The following KIAA0825 variants were observed in gnomAD, a reference collection of about 807,000 sequenced individuals.
KIAA0825 encodes KIAA0825, also known as uncharacterized protein KIAA0825.
A neutral mutation model predicts 147.6 loss-of-function variants in KIAA0825; 119 were observed. The observed-to-expected ratio is 0.81, with a 90% CI of 0.69 to 0.94. KIAA0825 has a LOEUF of 0.94. KIAA0825 is among the 40% of genes least tolerant of loss of function. The probability of loss-of-function intolerance (pLI) is 0.00; values close to 1 mark genes in which losing one functional copy is unlikely to be tolerated. For synonymous variants in KIAA0825, 470 were observed against 518.1 expected (o/e 0.91, Z 1.26); for missense variants, 1,381 against 1,472.7 (o/e 0.94, Z 1.02).
At chr5:94,505,367 A>C (rs1765621597) in intron 5 of KIAA0825, among the ~76,000 whole-genome samples, 1 of 151,956 alleles carries the variant, frequency 6.6e-6, no homozygotes, top group South Asian at 2.1e-4. Flanking sequence ...TCTTTAAAAA[A>C]AAAAAAAAAA....
chr5:94,380,122 G>C (rs1318539986), intron 20 of KIAA0825, among the ~76,000 whole-genome samples: 1 of 151,924 alleles, frequency 6.6e-6, no homozygotes, highest in African/African-American at 2.4e-5. Flanking sequence ...CAAAGTGCTG[G>C]GGTTACAGGC....
At chr5:94,507,963 C>T (rs1447999330) in intron 5 of KIAA0825, among the ~76,000 whole-genome samples, 1 of 152,156 alleles carries the variant, frequency 6.6e-6, no homozygotes, top group Non-Finnish European at 1.5e-5. Context: ...ATGCCAATAA[C>T]TATTGTAATA....
At chr5:94,581,621 C>T (rs966202263) in intron 2 of KIAA0825, among the ~76,000 whole-genome samples, 1 of 152,148 alleles carries the variant, frequency 6.6e-6, no homozygotes, top group African/African-American at 2.4e-5. Context: ...TTTGAAACTC[C>T]TGAATTTTGT....
In KIAA0825 at chr5:94,384,370, G is replaced by A; in HGVS notation, c.3708C>T (p.Asn1236=). The change falls in exon 20 of 21, where the codon AAC becomes AAT. Residue 1236 remains asparagine (N), a splice_region_variant and synonymous_variant. Coordinates refer to ENST00000682413, the MANE Select transcript of KIAA0825 (RefSeq NM_001145678.3). ...CCCAAGGTCCCCAATTTTATTACCT[G>A]TTTTTGAGCAGCACACTGAAGGTCA... is the stretch of plus-strand genomic sequence containing the variant. ...DKMTFSVLLK[N]RWEMKKDETL... is the part of the protein sequence containing the mutation. The A allele has an allele frequency of 3.9e-6, 6 of 1,551,660 alleles. No individual in the cohort carries two copies. Among genetic ancestry groups the A allele is most frequent in the Non-Finnish European group, 5.2e-6 (6 of 1,146,830 alleles).
intron 6 of KIAA0825, 138 bp downstream of exon 6, chr5:94,484,631 T>G (rs905840843): frequency 1.0e-5 from 5 of 477,632 alleles, no homozygotes; most frequent in Non-Finnish European, 1.8e-5. Context: ...TAATGCATGG[T>G]GTGCATTATA....
chr5:94,317,030 C>G (rs879638453), intron 20 of KIAA0825, among the ~76,000 whole-genome samples: 1 of 151,728 alleles, frequency 6.6e-6, no homozygotes, highest in Non-Finnish European at 1.5e-5. Flanking sequence ...GTCTTTGTTT[C>G]TTTTTCCTAT....
chr5:94,307,445 C>G (rs1024103736), intron 20 of KIAA0825, among the ~76,000 whole-genome samples: 1 of 151,660 alleles, frequency 6.6e-6, no homozygotes, highest in Non-Finnish European at 1.5e-5. Flanking sequence ...TGCTCAAAGC[C>G]CAAGACATCA....
intron 20 of KIAA0825, among the ~76,000 whole-genome samples, chr5:94,330,264 A>T (rs1024641861): frequency 2.6e-5 from 4 of 152,234 alleles, no homozygotes; most frequent in Non-Finnish European, 5.9e-5. Context: ...CAGGTCTCCC[A>T]GTGATAGCAG....
chr5:94,572,393 A>G (rs1045861411), intron 2 of KIAA0825, among the ~76,000 whole-genome samples: 1 of 152,232 alleles, frequency 6.6e-6, no homozygotes, highest in African/African-American at 2.4e-5. Flanking sequence ...GGATCTAAAA[A>G]AGAAAAATGG....
chr5:94,187,326 G>T, intron 20 of KIAA0825, among the ~76,000 whole-genome samples: 1 of 149,382 alleles, frequency 6.7e-6, no homozygotes, highest in African/African-American at 2.5e-5. Flanking sequence ...GTGAAATTAG[G>T]GATGGTGGAA....
intron 20 of KIAA0825, among the ~76,000 whole-genome samples, chr5:94,254,623 A>G (rs1006219581): frequency 2.6e-5 from 4 of 152,170 alleles, no homozygotes; most frequent in Non-Finnish European, 5.9e-5. Context: ...AAAACATTTA[A>G]TGGGCTTTAA....
chr5:94,564,988 CTTCTCCTCT>C (rs1561322797), intron 2 of KIAA0825, among the ~76,000 whole-genome samples: 2 of 137,134 alleles, frequency 1.5e-5, no homozygotes, highest in African/African-American at 5.5e-5. Context: ...CTTCTCTTCT[CTTCTCCTCT>C]CTCTCTCTCT....
intron 14 of KIAA0825, among the ~76,000 whole-genome samples, chr5:94,439,284 G>GT (rs1278685237): frequency 1.3e-5 from 2 of 152,136 alleles, no homozygotes; most frequent in Non-Finnish European, 2.9e-5. Flanking sequence ...TTCGCTTGTG[G>GT]TACGTAATAG....
intron 20 of KIAA0825, among the ~76,000 whole-genome samples, chr5:94,210,963 G>A (rs928725778): frequency 2.0e-5 from 3 of 152,012 alleles, no homozygotes; most frequent in Admixed American, 2.0e-4. Context: ...TTAGATTTTG[G>A]CCATGTCTCC....
intron 20 of KIAA0825, among the ~76,000 whole-genome samples, chr5:94,273,741 T>A (rs974037475): frequency 6.6e-6 from 1 of 152,144 alleles, no homozygotes. Context: ...AGAATAGTTA[T>A]CTCCTATTTT....
In KIAA0825 at chr5:94,212,851, G is replaced by A. The variant is rs116622385; in HGVS notation, c.3711-58727C>T. Among the ~76,000 whole-genome samples, 363 of 152,266 alleles carry A rather than the reference G, an allele frequency of 2.4e-3. 1 individual carries two copies. Among genetic ancestry groups the A allele is most frequent in the African/African-American group, 8.4e-3 (349 of 41,552 alleles). Reference sequence around the variant, plus strand: ...GGCTGTCTGCTATGCAGAGCTCTTTGAACAGATAGTCTGGGACAAAAGCCA... The same window carrying A: ...GGCTGTCTGCTATGCAGAGCTCTTTAAACAGATAGTCTGGGACAAAAGCCA... On this transcript the variant is annotated intron_variant, in intron 20 of 20. Coordinates refer to ENST00000682413, the MANE Select transcript of KIAA0825 (RefSeq NM_001145678.3).
At chr5:94,393,581 A>G (rs1750202273) in intron 17 of KIAA0825, among the ~76,000 whole-genome samples, 1 of 152,224 alleles carries the variant, frequency 6.6e-6, no homozygotes, top group Non-Finnish European at 1.5e-5. Flanking sequence ...ATGTAGTTTC[A>G]GATAATCTTC....
intron 13 of KIAA0825, among the ~76,000 whole-genome samples, chr5:94,445,124 C>T (rs937401527): frequency 6.6e-6 from 1 of 152,118 alleles, no homozygotes; most frequent in Non-Finnish European, 1.5e-5. Flanking sequence ...GTGCCATTGA[C>T]TATTATTGGT....
chr5:94,184,030 A>G (rs1195610947), intron 20 of KIAA0825, among the ~76,000 whole-genome samples: 1 of 152,160 alleles, frequency 6.6e-6, no homozygotes, highest in Non-Finnish European at 1.5e-5. Flanking sequence ...GCAATCTTGT[A>G]GGACTGAGCC....
Sources: gnomAD v4.1 joint callset for allele counts (sites outside exome capture counted in the v4.1 genomes callset) on GRCh38, gnomAD v4.1.1 for gene constraint, MANE v1.5 for transcripts, NCBI Gene and HGNC (gene_info 2026-07-23, HGNC 2026-07-21) for gene names.